The following RALYL variants were observed in gnomAD, a reference collection of about 807,000 sequenced individuals.
RALYL encodes the protein RALY RNA binding protein like.
A neutral mutation model predicts 35.1 loss-of-function variants in RALYL; 29 were observed. That is an observed-to-expected ratio of 0.83 (90% CI 0.61 to 1.13). The LOEUF is 1.13. RALYL is among the 50% of genes most tolerant of loss of function. RALYL has a pLI of 0.00. For synonymous variants in RALYL, 120 were observed against 127.6 expected (o/e 0.94, Z 0.40); for missense variants, 359 against 360.4 (o/e 1.00, Z 0.03).
At chr8:84,228,992 A>G (rs370221624) in intron 1 of RALYL, among the ~76,000 whole-genome samples, 20 of 152,306 alleles carry the variant, frequency 1.3e-4, no homozygotes, top group South Asian at 2.1e-4. Context: ...CAGAGAGCCA[A>G]ACTATATCAC....
At chr8:84,192,275 G>A (rs1185026856) in intron 1 of RALYL, among the ~76,000 whole-genome samples, 1 of 152,090 alleles carries the variant, frequency 6.6e-6, no homozygotes, top group Admixed American at 6.6e-5. Context: ...CATAAGGTGA[G>A]GTATTCCACA....
At chr8:84,770,201 A>C (rs370333222) in intron 2 of RALYL, among the ~76,000 whole-genome samples, 2 of 151,480 alleles carry the variant, frequency 1.3e-5, no homozygotes, top group African/African-American at 4.9e-5. Context: ...ACCCCCTCCC[A>C]CCTTTTCCCC....
chr8:84,335,530 G>C (rs1847607500), intron 1 of RALYL, among the ~76,000 whole-genome samples: 1 of 151,818 alleles, frequency 6.6e-6, no homozygotes, highest in Admixed American at 6.6e-5. Context: ...CAAACTGTGG[G>C]GGACACAAAT....
chr8:84,842,855 C>T (rs1015254896), intron 4 of RALYL, among the ~76,000 whole-genome samples: 12 of 152,084 alleles, frequency 7.9e-5, no homozygotes, highest in East Asian at 1.9e-4. Context: ...TAAACAGAAC[C>T]GATGGCAAAA....
intron 1 of RALYL, among the ~76,000 whole-genome samples, chr8:84,253,292 CTA>C (rs1280922488): frequency 7.1e-6 from 1 of 140,158 alleles, no homozygotes; most frequent in African/African-American, 2.6e-5. Context: ...CGGGTTCAAG[CTA>C]TTCTCCTGCC....
At chr8:84,499,101 T>C (rs1011703427) in intron 1 of RALYL, among the ~76,000 whole-genome samples, 7 of 151,938 alleles carry the variant, frequency 4.6e-5, no homozygotes, top group African/African-American at 1.7e-4. Context: ...CTTTTTTTTT[T>C]TTTTAATTAT....
At chr8:84,371,184 G>A (rs552065897) in intron 1 of RALYL, among the ~76,000 whole-genome samples, 2 of 152,090 alleles carry the variant, frequency 1.3e-5, no homozygotes, top group African/African-American at 2.4e-5. Flanking sequence ...ACTCTGTCAA[G>A]ACCTGAGCTA....
intron 2 of RALYL, among the ~76,000 whole-genome samples, chr8:84,765,658 T>TATAA (rs1491571274): frequency 6.6e-6 from 1 of 152,164 alleles, no homozygotes; most frequent in African/African-American, 2.4e-5. Context: ...TGTATGGTTA[T>TATAA]GTCCGTTCAC....
intron 2 of RALYL, among the ~76,000 whole-genome samples, chr8:84,690,402 G>A (rs1270325446): frequency 1.3e-5 from 2 of 152,078 alleles, no homozygotes; most frequent in African/African-American, 4.8e-5. Flanking sequence ...GAAGATATTG[G>A]TCAAAGAGTA....
At chr8:84,237,566 C>T (rs1366677660) in intron 1 of RALYL, among the ~76,000 whole-genome samples, 2 of 152,062 alleles carry the variant, frequency 1.3e-5, no homozygotes, top group Non-Finnish European at 1.5e-5. Context: ...AAACAAAGTT[C>T]TATTGACAAC....
intron 1 of RALYL, among the ~76,000 whole-genome samples, chr8:84,320,958 A>G (rs73306956): frequency 0.013 from 1,905 of 152,200 alleles, 52 homozygotes; most frequent in African/African-American, 0.043. Context: ...ATGACTTACC[A>G]TAGCACCATT....
chr8:84,550,638 A>G (rs1224721146), intron 2 of RALYL, among the ~76,000 whole-genome samples: 1 of 151,562 alleles, frequency 6.6e-6, no homozygotes, highest in Non-Finnish European at 1.5e-5. Flanking sequence ...TAAGAGCAAA[A>G]GTAGGCTTAT....
At chr8:84,301,153 T>G (rs1161391634) in intron 1 of RALYL, among the ~76,000 whole-genome samples, 1 of 152,050 alleles carries the variant, frequency 6.6e-6, no homozygotes, top group Non-Finnish European at 1.5e-5. Flanking sequence ...TTAATTTGGC[T>G]GTATAAGAAA....
At chr8:84,372,889 T>TTTTTTGTTTTGTTTTGTTTTG (rs1856099815) in intron 1 of RALYL, among the ~76,000 whole-genome samples, 2 of 109,620 alleles carry the variant, frequency 1.8e-5, no homozygotes, top group African/African-American at 8.5e-5. Context: ...AGCATCTGTT[T>TTTTTTGTTTTGTTTTGTTTTG]TTTTTTTTTT....
At chr8:84,831,465 G>A (rs1287166661) in intron 4 of RALYL, among the ~76,000 whole-genome samples, 1 of 152,050 alleles carries the variant, frequency 6.6e-6, no homozygotes, top group African/African-American at 2.4e-5. Context: ...ATTCTAGAAG[G>A]GTAGTCACTC....
intron 1 of RALYL, among the ~76,000 whole-genome samples, chr8:84,280,662 T>C (rs1836354928): frequency 6.6e-6 from 1 of 151,528 alleles, no homozygotes. Context: ...GCAGCAATTA[T>C]TTTGCCTTAA....
intron 5 of RALYL, among the ~76,000 whole-genome samples, chr8:84,854,410 A>G (rs1836547033): frequency 6.6e-6 from 1 of 152,214 alleles, no homozygotes; most frequent in African/African-American, 2.4e-5. Context: ...TCTCATATTG[A>G]CATTCATACA....
chr8:84,612,453 C>T (rs886604771), intron 2 of RALYL, among the ~76,000 whole-genome samples: 1 of 151,792 alleles, frequency 6.6e-6, no homozygotes, highest in Non-Finnish European at 1.5e-5. Flanking sequence ...TGGCATATAC[C>T]GTATTTATCT....
At chr8:84,411,733 T>C (rs2044124309) in intron 1 of RALYL, among the ~76,000 whole-genome samples, 2 of 152,048 alleles carry the variant, frequency 1.3e-5, no homozygotes, top group African/African-American at 4.8e-5. Context: ...TAAATACTTT[T>C]ATTTCAGTAA....
Sources: allele counts gnomAD v4.1 joint callset (sites outside exome capture counted in the v4.1 genomes callset), GRCh38; gene constraint gnomAD v4.1.1; transcripts MANE v1.5; gene names NCBI Gene and HGNC (gene_info 2026-07-23, HGNC 2026-07-21).